PCDHA7: variants seen among roughly 807,000 people sequenced by gnomAD.
PCDHA7 encodes protocadherin alpha-7.
In PCDHA7, 37 loss-of-function variants were observed where a neutral mutation model predicts 57.2. That is an observed-to-expected ratio of 0.65 (90% CI 0.50 to 0.85). The LOEUF (loss-of-function observed/expected upper bound fraction) is 0.85, where lower values mean the gene tolerates loss of function less well. PCDHA7 is among the 40% of genes least tolerant of loss of function. The probability of loss-of-function intolerance (pLI) is 0.00; values close to 1 mark genes in which losing one functional copy is unlikely to be tolerated. For missense variants in PCDHA7, 1,188 were observed against 1,241.8 expected, an observed-to-expected ratio of 0.96 and a Z score of 0.65; for synonymous variants, 553 against 558.8, an observed-to-expected ratio of 0.99 and a Z score of 0.15.
At position 140,876,752 on chromosome 5, in the gene PCDHA7, C is replaced by G. The variant is rs374137138; in HGVS notation, c.2355+40014C>G. On this transcript the variant is annotated intron_variant, in intron 1 of 3. Coordinates refer to ENST00000525929, the MANE Select transcript of PCDHA7 (RefSeq NM_018910.3). ...TCGGCCTATGAGCTGGTGGTGACTGCGCGGGATGGGGGCTCGCCTTCGCTG... is the reference window on the plus strand; with the variant it reads ...TCGGCCTATGAGCTGGTGGTGACTGGGCGGGATGGGGGCTCGCCTTCGCTG... 1.4e-5 allele frequency: 23 copies of G among 1,614,194 alleles called. No homozygotes were observed. The African/African-American group carries it at 2.8e-4, about 20-fold the overall frequency.
chr5:140,915,008 T>C (rs1201776517), intron 1 of PCDHA7, among the ~76,000 whole-genome samples: 1 of 150,866 alleles, frequency 6.6e-6, no homozygotes, highest in Non-Finnish European at 1.5e-5. Context: ...TGCAGTGGCC[T>C]GATCTTGGCT....
intron 1 of PCDHA7, among the ~76,000 whole-genome samples, chr5:140,915,396 C>T (rs1554196881): frequency 6.6e-6 from 1 of 152,116 alleles, no homozygotes; most frequent in African/African-American, 2.4e-5. Context: ...CTAGGTATTT[C>T]TTATAGTCTT....
At chr5:140,986,532 C>G (rs1298199477) in intron 3 of PCDHA7, among the ~76,000 whole-genome samples, 2 of 152,184 alleles carry the variant, frequency 1.3e-5, no homozygotes, top group Non-Finnish European at 2.9e-5. Context: ...GGGAACTGGC[C>G]TGGCTTCAGT....
At chr5:140,868,057 G>C (rs1243916361) in intron 1 of PCDHA7, 4 of 152,030 alleles carry the variant, frequency 2.6e-5, no homozygotes, top group African/African-American at 7.2e-5. Flanking sequence ...ATGGCACAAA[G>C]ATGTTCAGGG....
chr5:140,927,896 A>G (rs571131956), intron 1 of PCDHA7: 1 of 1,614,200 alleles, frequency 6.2e-7, no homozygotes, highest in African/African-American at 1.3e-5. Context: ...GACGTGAACG[A>G]TCATGCCCCC....
intron 1 of PCDHA7, among the ~76,000 whole-genome samples, chr5:140,949,698 T>G (rs188313112): frequency 6.6e-6 from 1 of 151,984 alleles, no homozygotes; most frequent in African/African-American, 2.4e-5. Flanking sequence ...TTGTTGGATC[T>G]TGCTGTTTTA....
chr5:140,907,705 G>A (rs2073545190), intron 1 of PCDHA7, among the ~76,000 whole-genome samples: 1 of 152,204 alleles, frequency 6.6e-6, no homozygotes, highest in Non-Finnish European at 1.5e-5. Context: ...CCCTGTTGCT[G>A]AGCCCATGTG....
intron 1 of PCDHA7, chr5:140,883,418 C>G: frequency 6.2e-7 from 1 of 1,614,172 alleles, no homozygotes; most frequent in Non-Finnish European, 8.5e-7. Context: ...CTCAAATGGA[C>G]AGGTCACCTG....
rs2150461572 is a variant in PCDHA7 at position 140,849,985 on chromosome 5, G to T, written c.2355+13247G>T. On this transcript the variant is annotated intron_variant, in intron 1 of 3. Transcript: ENST00000525929. Reference sequence around the variant, plus strand: ...CTGGTGTCCTACTCGCTGGTGGAGCGGCGGTTGGGCGAGCGCTCGCTGTCG... The same window carrying T: ...CTGGTGTCCTACTCGCTGGTGGAGCTGCGGTTGGGCGAGCGCTCGCTGTCG... 32 of 1,597,274 alleles carry T rather than the reference G, an allele frequency of 2.0e-5. No homozygotes were observed. In the East Asian group the frequency reaches 2.2e-4, roughly 11 times the overall value.
chr5:140,879,123 G>C (rs895703047), intron 1 of PCDHA7, among the ~76,000 whole-genome samples: 18 of 152,310 alleles, frequency 1.2e-4, no homozygotes, highest in South Asian at 4.1e-4. Context: ...AAGGATTAGA[G>C]CAGGGGAGAT....
chr5:140,921,203 G>A (rs782776779), intron 1 of PCDHA7, among the ~76,000 whole-genome samples: 22 of 151,476 alleles, frequency 1.5e-4, no homozygotes, highest in Non-Finnish European at 2.7e-4. Context: ...GATTGACAAC[G>A]ATAATTCACG....
chr5:140,842,552 A>T, intron 1 of PCDHA7: 1 of 1,596,224 alleles, frequency 6.3e-7, no homozygotes, highest in Non-Finnish European at 8.6e-7. Flanking sequence ...GGTGCTGGAC[A>T]GCGCCCTGGA....
chr5:140,986,280 C>T (rs2097193236), intron 3 of PCDHA7, among the ~76,000 whole-genome samples: 1 of 152,116 alleles, frequency 6.6e-6, no homozygotes, highest in African/African-American at 2.4e-5. Flanking sequence ...TTTCAGCTTC[C>T]CTTGAGACTG....
intron 1 of PCDHA7, among the ~76,000 whole-genome samples, chr5:140,925,484 T>C (rs1178019565): frequency 6.6e-6 from 1 of 152,066 alleles, no homozygotes; most frequent in Admixed American, 6.6e-5. Flanking sequence ...CTCATAGAAC[T>C]GATCACTGTC....
chr5:140,855,777 G>T (rs1004478743), intron 1 of PCDHA7: 3 of 402,200 alleles, frequency 7.5e-6, no homozygotes, highest in Non-Finnish European at 1.3e-5. Context: ...ATAAAAATAC[G>T]TAAAAAAAGA....
At chr5:140,850,558 G>T (rs2150489293) in intron 1 of PCDHA7, 3 of 1,598,326 alleles carry the variant, frequency 1.9e-6, no homozygotes, top group Non-Finnish European at 2.6e-6. Flanking sequence ...GGTGCCACGG[G>T]CCCCGAGGTG....
intron 1 of PCDHA7, chr5:140,929,369 G>A: frequency 6.6e-7 from 1 of 1,515,248 alleles, no homozygotes; most frequent in Admixed American, 2.2e-5. Context: ...CCCGGAGATG[G>A]CTGCTAGCTG....
intron 3 of PCDHA7, among the ~76,000 whole-genome samples, 199 bp downstream of exon 3, chr5:140,982,762 TAAC>T (rs1210027762): frequency 6.6e-6 from 1 of 152,130 alleles, no homozygotes; most frequent in Non-Finnish European, 1.5e-5. Context: ...TGAAAAAGGA[TAAC>T]AAGGAAAGTG....
Position 140,871,165 on chromosome 5 carries a change from C to A in PCDHA7, c.2355+34427C>A, listed in dbSNP as rs1044550712. 1.4e-5 allele frequency: 22 copies of A among 1,613,372 alleles called. No individual in the cohort carries two copies. Among genetic ancestry groups the A allele is most frequent in the Non-Finnish European group, 1.7e-5 (20 of 1,179,938 alleles). On this transcript the variant is annotated intron_variant, in intron 1 of 3. Transcript: ENST00000525929. ...CCGGACTTTGGCGGGCGCCGCGAGCCCAGAGGCTGCGCTGGTGGATGTCAA... is the reference window on the plus strand; with the variant it reads ...CCGGACTTTGGCGGGCGCCGCGAGCACAGAGGCTGCGCTGGTGGATGTCAA...
Sources: allele counts gnomAD v4.1 joint callset (sites outside exome capture counted in the v4.1 genomes callset), GRCh38; gene constraint gnomAD v4.1.1; transcripts MANE v1.5; gene names NCBI Gene and HGNC (gene_info 2026-07-23, HGNC 2026-07-21).